The following METTL22 variants were observed in gnomAD, a reference collection of about 807,000 sequenced individuals.
The protein encoded by METTL22 is methyltransferase 22, Kin17 lysine, also known as methyltransferase-like protein 22.
A neutral mutation model predicts 48.4 loss-of-function variants in METTL22; 51 were observed. The ratio of observed to expected loss-of-function variants is 1.05; its 90% CI spans 0.84 to 1.33. METTL22 has a LOEUF of 1.33. METTL22 is among the 40% of genes most tolerant of loss of function. The pLI is 0.00. For missense variants in METTL22, 678 were observed against 526.9 expected, an observed-to-expected ratio of 1.29 and a Z score of -2.81; for synonymous variants, 255 against 214.1, an observed-to-expected ratio of 1.19 and a Z score of -1.67.
chr16:8,638,447 A>G (rs932641329), intron 5 of METTL22, among the ~76,000 whole-genome samples: 2 of 152,152 alleles, frequency 1.3e-5, no homozygotes, highest in South Asian at 2.1e-4. Flanking sequence ...ACTGTACCCC[A>G]AGTTAGTTCT....
At chr16:8,645,634 T>C (rs62030941) in intron 10 of METTL22, among the ~76,000 whole-genome samples, 150,261 of 152,136 alleles carry the variant, frequency 0.99, 74,239 homozygotes, top group Middle Eastern at 1. Flanking sequence ...AAATTAGCCA[T>C]GCATGGTGGT....
At chr16:8,630,081 AT>A (rs2056204145) in intron 3 of METTL22, among the ~76,000 whole-genome samples, 1 of 152,078 alleles carries the variant, frequency 6.6e-6, no homozygotes, top group Admixed American at 6.5e-5. Flanking sequence ...AGGGTCCCCG[AT>A]GGTGTCTTGA....
At chr16:8,638,000 A>T (rs1009286823) in intron 5 of METTL22, among the ~76,000 whole-genome samples, 26 of 119,436 alleles carry the variant, frequency 2.2e-4, no homozygotes, top group African/African-American at 7.8e-4. Flanking sequence ...AAAAAAAATT[A>T]GCCAGGCATG....
At chr16:8,628,165 T>C (rs553270687) in intron 2 of METTL22, among the ~76,000 whole-genome samples, 92 of 152,352 alleles carry the variant, frequency 6.0e-4, no homozygotes, top group Non-Finnish European at 9.0e-4. Flanking sequence ...CCTGTAATTA[T>C]CTTGTTTACT....
chr16:8,644,840 A>C lies in METTL22; in HGVS notation c.1179+115A>C, dbSNP rs35262135. 1,895 of 1,162,976 alleles carry C rather than the reference A, an allele frequency of 1.6e-3. 30 individuals are homozygous for C. The African/African-American group carries it at 0.026, about 16-fold the overall frequency. The allele number at this position is 1,162,976 out of a possible 1,614,324, so 72.0% of individuals were successfully genotyped here. ...AGCACAGGCTCCACCCTAGTCCTGC[A>C]GGGGGTGAAGCCTGCGTGCCTGGCA... is the stretch of plus-strand genomic sequence containing the variant. On this transcript the variant is annotated intron_variant, in intron 10 of 10. Transcript: ENST00000381920.
downstream of METTL22, among the ~76,000 whole-genome samples, chr16:8,653,378 G>A (rs1019514053): frequency 5.3e-5 from 8 of 152,040 alleles, no homozygotes; most frequent in African/African-American, 1.2e-4. Flanking sequence ...CAGGTGCCTC[G>A]GAGTCTTGGG....
chr16:8,660,623 C>G, the METTL22 span, among the ~76,000 whole-genome samples: 1 of 151,834 alleles, frequency 6.6e-6, no homozygotes, highest in Non-Finnish European at 1.5e-5. Flanking sequence ...TCACTACTGA[C>G]TTTAAGATAA....
At chr16:8,625,224 CAG>C in intron 1 of METTL22, among the ~76,000 whole-genome samples, 1 of 151,594 alleles carries the variant, frequency 6.6e-6, no homozygotes, top group Non-Finnish European at 1.5e-5. Flanking sequence ...GAGAAGAAAC[CAG>C]AGAGGGCAGG....
the METTL22 span, among the ~76,000 whole-genome samples, chr16:8,659,970 C>T: frequency 1.3e-5 from 2 of 152,078 alleles, no homozygotes; most frequent in Non-Finnish European, 2.9e-5. Context: ...AAGCCATCCT[C>T]CCACCTCAGC....
At chr16:8,655,596 C>T in the METTL22 span, among the ~76,000 whole-genome samples, 1 of 152,218 alleles carries the variant, frequency 6.6e-6, no homozygotes, top group Admixed American at 6.5e-5. Context: ...GAGGGGATTA[C>T]ACAGAGTGGG....
chr16:8,656,653 T>A, the METTL22 span, among the ~76,000 whole-genome samples: 1 of 152,386 alleles, frequency 6.6e-6, no homozygotes, highest in Non-Finnish European at 1.5e-5. Context: ...GTGAGTGATG[T>A]TCCAGCAGTG....
the METTL22 span, among the ~76,000 whole-genome samples, chr16:8,658,701 C>T: frequency 2.6e-5 from 4 of 152,216 alleles, no homozygotes; most frequent in African/African-American, 7.2e-5. Flanking sequence ...AACATATCTC[C>T]GTCTTTGGGA....
intron 1 of METTL22, among the ~76,000 whole-genome samples, chr16:8,623,138 A>G (rs566435876): frequency 6.6e-6 from 1 of 151,986 alleles, no homozygotes; most frequent in Admixed American, 6.5e-5. Flanking sequence ...ACATGGCAAA[A>G]CCCCATCTTT....
chr16:8,628,519 A>G (rs556419389), intron 2 of METTL22, among the ~76,000 whole-genome samples: 8 of 152,126 alleles, frequency 5.3e-5, no homozygotes, highest in African/African-American at 1.7e-4. Flanking sequence ...GATTCTCATG[A>G]AATGGCGGCT....
At chr16:8,635,774 A>C (rs2056405312) in intron 5 of METTL22, among the ~76,000 whole-genome samples, 1 of 152,192 alleles carries the variant, frequency 6.6e-6, no homozygotes, top group Non-Finnish European at 1.5e-5. Context: ...ACAATATGCA[A>C]CTTATGGGTC....
At position 8,648,799 on chromosome 16, in the gene METTL22, A is replaced by C. The variant is rs1051470193; in HGVS notation, c.*2656A>C. On this transcript the variant is annotated 3_prime_UTR_variant, in exon 11 of 11. Coordinates refer to ENST00000381920, the MANE Select transcript of METTL22 (RefSeq NM_024109.4). ...GAGATCCTGTCTCCAAAAAAGAAGA[A>C]AAGTATCAAGCCTCAGCTCAGGACG... 1 of 152,240 alleles carries C rather than the reference A, an allele frequency of 6.6e-6. No individual in the cohort carries two copies. Among genetic ancestry groups the C allele is most frequent in the East Asian group, 1.9e-4 (1 of 5,188 alleles). The allele number at this position is 152,240 out of a possible 1,614,324, so 9.4% of individuals were successfully genotyped here. A position where few individuals can be genotyped will look rare whatever the true frequency, so the allele number is the denominator to read the frequency against.
intron 3 of METTL22, among the ~76,000 whole-genome samples, chr16:8,634,165 G>C (rs1164725250): frequency 6.6e-6 from 1 of 152,182 alleles, no homozygotes; most frequent in Admixed American, 6.5e-5. Flanking sequence ...CTGCCCATAG[G>C]GCTGAAATCT....
chr16:8,664,118 C>T, the METTL22 span, among the ~76,000 whole-genome samples: 14 of 150,104 alleles, frequency 9.3e-5, no homozygotes, highest in East Asian at 1.9e-4. Flanking sequence ...GATGGAGTCT[C>T]GCTCTGTTTC....
At chr16:8,660,715 A>C in the METTL22 span, among the ~76,000 whole-genome samples, 1 of 149,256 alleles carries the variant, frequency 6.7e-6, no homozygotes, top group African/African-American at 2.5e-5. Flanking sequence ...CGGGGGCTGG[A>C]AGAGTGTGAA....
Sources: allele counts gnomAD v4.1 joint callset (sites outside exome capture counted in the v4.1 genomes callset), GRCh38; gene constraint gnomAD v4.1.1; transcripts MANE v1.5; gene names NCBI Gene and HGNC (gene_info 2026-07-23, HGNC 2026-07-21).